GPM6A: variants seen among roughly 807,000 people sequenced by gnomAD.
GPM6A encodes neuronal membrane glycoprotein M6-a.
Under a neutral mutation model 32.1 loss-of-function variants are expected in GPM6A, and 7 were observed. The observed-to-expected ratio is 0.22, with a 90% confidence interval of 0.12 to 0.41. The LOEUF (loss-of-function observed/expected upper bound fraction) is 0.41. Among genes scored for constraint, GPM6A ranks in the 10% least tolerant of loss-of-function variants. GPM6A has a pLI of 1.00. For synonymous variants in GPM6A, 130 were observed against 123.4 expected (o/e 1.05, Z -0.35); for missense variants, 235 against 347.2 (o/e 0.68, Z 2.57).
intron 1 of GPM6A, among the ~76,000 whole-genome samples, chr4:175,859,239 C>T (rs560362615): frequency 5.0e-4 from 76 of 152,226 alleles, no homozygotes; most frequent in African/African-American, 1.6e-3. Flanking sequence ...GTATGTCAAT[C>T]ATCTTTCAAT....
intron 6 of GPM6A, among the ~76,000 whole-genome samples, chr4:175,636,934 A>T (rs1158587704): frequency 1.5e-5 from 2 of 131,998 alleles, no homozygotes; most frequent in African/African-American, 3.0e-5. Flanking sequence ...TATTTCACTC[A>T]TGCATATATA....
chr4:175,666,495 T>C (rs902069150), intron 3 of GPM6A, among the ~76,000 whole-genome samples: 1 of 152,146 alleles, frequency 6.6e-6, no homozygotes, highest in African/African-American at 2.4e-5. Context: ...GAAAATAATT[T>C]TTCAATATCT....
chr4:175,802,042 G>T (rs1430348861), intron 1 of GPM6A, among the ~76,000 whole-genome samples: 1 of 151,984 alleles, frequency 6.6e-6, no homozygotes, highest in East Asian at 1.9e-4. Flanking sequence ...GGGGTTCAAA[G>T]TTGCTAAACA....
rs76132364 is a variant in GPM6A at position 175,888,851 on chromosome 4, C to T, written c.-22-76602G>A. On this transcript the variant is annotated intron_variant, in intron 1 of 7. Transcript: ENST00000280187. ...ATAATATAGTCAACATAAAGTAATA[C>T]GGTAACATAAAGATCTACAAAAAGC... is the stretch of plus-strand genomic sequence containing the variant. 3.3e-3 allele frequency among the ~76,000 whole-genome samples: 504 copies of T among 152,020 alleles called. 9 individuals carry two copies. The East Asian group carries it at 0.069, about 21-fold the overall frequency.
At chr4:175,751,706 C>T (rs1732343616) in intron 1 of GPM6A, among the ~76,000 whole-genome samples, 1 of 150,750 alleles carries the variant, frequency 6.6e-6, no homozygotes, top group South Asian at 2.1e-4. Context: ...ATACCATGGA[C>T]AGTTGATAGA....
At chr4:175,664,563 G>A (rs1742626238) in intron 3 of GPM6A, among the ~76,000 whole-genome samples, 1 of 152,028 alleles carries the variant, frequency 6.6e-6, no homozygotes. Flanking sequence ...ATCTTGCATT[G>A]GTCTCATCCA....
chr4:175,915,063 G>C (rs1244967404), intron 1 of GPM6A, among the ~76,000 whole-genome samples: 4 of 151,914 alleles, frequency 2.6e-5, no homozygotes, highest in African/African-American at 9.7e-5. Flanking sequence ...CTTTCCCAAA[G>C]ACAGAGAAAA....
intron 1 of GPM6A, among the ~76,000 whole-genome samples, chr4:175,925,850 C>CTTTTTTTTTTTT (rs60669466): frequency 1.5e-5 from 2 of 135,122 alleles, no homozygotes; most frequent in African/African-American, 2.7e-5. Context: ...CTTTTCTTTT[C>CTTTTTTTTTTTT]TTTTTTTTTT....
intron 1 of GPM6A, among the ~76,000 whole-genome samples, chr4:175,940,163 TA>T (rs1739360878): frequency 6.6e-6 from 1 of 152,140 alleles, no homozygotes; most frequent in African/African-American, 2.4e-5. Context: ...AGGGGAGTCA[TA>T]AAAGCACCGT....
At chr4:175,772,755 A>G (rs904860880) in intron 1 of GPM6A, among the ~76,000 whole-genome samples, 2 of 152,146 alleles carry the variant, frequency 1.3e-5, no homozygotes, top group African/African-American at 4.8e-5. Context: ...GGGCTTCCAT[A>G]CTTTTTCTAC....
At chr4:175,729,973 T>C (rs1294092815) in intron 1 of GPM6A, among the ~76,000 whole-genome samples, 1 of 149,164 alleles carries the variant, frequency 6.7e-6, no homozygotes, top group Non-Finnish European at 1.5e-5. Context: ...AAAGTCAACT[T>C]CTCTCCTGAT....
chr4:175,698,044 TTGAGA>T (rs1320374090), intron 2 of GPM6A, among the ~76,000 whole-genome samples: 1 of 152,078 alleles, frequency 6.6e-6, no homozygotes, highest in African/African-American at 2.4e-5. Flanking sequence ...ATTGATCATG[TTGAGA>T]TAAGTGTATG....
chr4:175,804,391 G>C (rs965434714), intron 1 of GPM6A, among the ~76,000 whole-genome samples: 6 of 152,110 alleles, frequency 3.9e-5, no homozygotes, highest in Non-Finnish European at 7.4e-5. Context: ...TGAAATGGAA[G>C]ACTACCTCAT....
intron 1 of GPM6A, among the ~76,000 whole-genome samples, chr4:175,988,278 T>C (rs762736823): frequency 1.3e-5 from 2 of 152,190 alleles, no homozygotes; most frequent in Non-Finnish European, 2.9e-5. Flanking sequence ...CAATTAATCA[T>C]TTTAAAATTA....
chr4:175,871,301 C>T (rs529312432), intron 1 of GPM6A, among the ~76,000 whole-genome samples: 7 of 151,874 alleles, frequency 4.6e-5, no homozygotes, highest in South Asian at 2.1e-4. Flanking sequence ...GAAACCCCAT[C>T]GCTACTAAAA....
chr4:175,688,315 C>T (rs1448419995), intron 2 of GPM6A, among the ~76,000 whole-genome samples: 1 of 152,098 alleles, frequency 6.6e-6, no homozygotes, highest in Non-Finnish European at 1.5e-5. Context: ...TTTCTTCTAG[C>T]AGTTTTATAA....
chr4:175,760,529 A>C (rs1437899989), intron 1 of GPM6A, among the ~76,000 whole-genome samples: 1 of 152,154 alleles, frequency 6.6e-6, no homozygotes, highest in African/African-American at 2.4e-5. Flanking sequence ...AAAGACTCTC[A>C]TGTTGAGGAA....
intron 1 of GPM6A, among the ~76,000 whole-genome samples, chr4:175,947,419 TAAG>T (rs1226562246): frequency 6.6e-6 from 1 of 151,984 alleles, no homozygotes; most frequent in Non-Finnish European, 1.5e-5. Context: ...CTAATATTCT[TAAG>T]AATAATATTT....
At chr4:175,949,701 C>T (rs1194329141) in intron 1 of GPM6A, among the ~76,000 whole-genome samples, 1 of 152,156 alleles carries the variant, frequency 6.6e-6, no homozygotes, top group Non-Finnish European at 1.5e-5. Flanking sequence ...TTGGCTGATA[C>T]TTTCAGAGTC....
Sources: allele counts gnomAD v4.1 joint callset (sites outside exome capture counted in the v4.1 genomes callset), GRCh38; gene constraint gnomAD v4.1.1; transcripts MANE v1.5; gene names NCBI Gene and HGNC (gene_info 2026-07-23, HGNC 2026-07-21).